ARAP2: variants seen among roughly 807,000 people sequenced by gnomAD.
ARAP2 encodes arf-GAP with Rho-GAP domain, ANK repeat and PH domain-containing protein 2.
Under a neutral mutation model 194.5 loss-of-function variants are expected in ARAP2, and 148 were observed. The observed-to-expected ratio is 0.76, with a 90% CI of 0.67 to 0.87. ARAP2 has a LOEUF of 0.87. Among genes scored for constraint, ARAP2 ranks in the 40% least tolerant of loss-of-function variants. The pLI is 0.00. For synonymous variants in ARAP2, 695 were observed against 683.5 expected (o/e 1.02, Z -0.26); for missense variants, 2,128 against 1,989.7 (o/e 1.07, Z -1.32).
intron 1 of ARAP2, among the ~76,000 whole-genome samples, chr4:36,237,209 C>T (rs1752611689): frequency 6.6e-6 from 1 of 152,164 alleles, no homozygotes; most frequent in Admixed American, 6.5e-5. Flanking sequence ...TATAAGGCAA[C>T]AATATGAAGC....
chr4:36,198,126 G>A (rs1044660794), intron 6 of ARAP2, among the ~76,000 whole-genome samples: 1 of 152,200 alleles, frequency 6.6e-6, no homozygotes, highest in Non-Finnish European at 1.5e-5. Flanking sequence ...GCTTTATTGA[G>A]TGATAGAATA....
chr4:36,235,547 C>T (rs1305272267), intron 1 of ARAP2, among the ~76,000 whole-genome samples: 1 of 152,228 alleles, frequency 6.6e-6, no homozygotes, highest in Non-Finnish European at 1.5e-5. Context: ...CATCCCTTAT[C>T]CTTGCTTTAT....
chr4:36,164,968 C>T lies in ARAP2; in HGVS notation c.2119G>A (p.Asp707Asn). The T allele has an allele frequency of 9.9e-6, 16 of 1,614,110 alleles. No homozygotes were observed. The highest frequency in any genetic ancestry group is 1.3e-5 in the Non-Finnish European group (15 of 1,179,942). The change falls in exon 11 of 33, where the codon GAT becomes AAT. Residue 707 changes from aspartate to asparagine, a missense_variant. Coordinates refer to ENST00000303965, the MANE Select transcript of ARAP2 (RefSeq NM_015230.4). ...AGATTGATGGATGCCCAGTCAGGAT[C>T]TGGGGCTTTACAATCTGCACAGCTC... The part of the protein sequence containing the change: ...NRSCADCKAP[D>N]PDWASINLCV...
At chr4:36,193,480 G>A (rs1174529748) in intron 7 of ARAP2, 98 bp downstream of exon 7, 1 of 616,692 alleles carries the variant, frequency 1.6e-6, no homozygotes, top group East Asian at 3.0e-5. Context: ...TTTTCATGTT[G>A]AGAATCTACC....
At chr4:36,169,237 C>A (rs531529090) in intron 9 of ARAP2, among the ~76,000 whole-genome samples, 3 of 152,292 alleles carry the variant, frequency 2.0e-5, no homozygotes, top group South Asian at 2.1e-4. Context: ...AGGCATTTGA[C>A]AAAAGCTGTG....
intron 19 of ARAP2, among the ~76,000 whole-genome samples, chr4:36,145,859 G>T (rs1729517130): frequency 6.6e-6 from 1 of 151,766 alleles, no homozygotes; most frequent in Non-Finnish European, 1.5e-5. Context: ...AACCCGTCCA[G>T]TTCCTTGGCA....
chr4:36,115,784 A>G (rs990187947), intron 25 of ARAP2, among the ~76,000 whole-genome samples: 4 of 152,018 alleles, frequency 2.6e-5, no homozygotes, highest in Admixed American at 6.6e-5. Flanking sequence ...TTGCAGAATC[A>G]TAAGCATTAA....
chr4:36,049,716 T>C (rs1229105063), intron 3 of ARAP2, among the ~76,000 whole-genome samples: 1 of 152,128 alleles, frequency 6.6e-6, no homozygotes, highest in East Asian at 1.9e-4. Flanking sequence ...AAGAGTTAAA[T>C]AATGTTAAAG....
intron 15 of ARAP2, among the ~76,000 whole-genome samples, chr4:36,154,816 A>T (rs1403145188): frequency 6.6e-6 from 1 of 152,230 alleles, no homozygotes; most frequent in Non-Finnish European, 1.5e-5. Context: ...GAGTGGTAGC[A>T]TCCAGGTGCT....
At chr4:36,108,318 T>A (rs1275499169) in intron 26 of ARAP2, among the ~76,000 whole-genome samples, 2 of 152,142 alleles carry the variant, frequency 1.3e-5, no homozygotes, top group East Asian at 3.9e-4. Context: ...TAAATAATAA[T>A]CATAAATTAA....
In ARAP2 at chr4:36,092,024, T is replaced by A. The variant is rs114448657; in HGVS notation, c.4286-4A>T. On this transcript the variant is annotated splice_polypyrimidine_tract_variant and splice_region_variant and intron_variant, in intron 27 of 32. Transcript: ENST00000303965. ...ATGCTTCCCAGTGTACTCCGGTCTG[T>A]AAAGTACAGCATTACTTTTGTGAGT... The A allele has an allele frequency of 5.2e-6, 8 of 1,545,038 alleles. No individual in the cohort carries two copies. The highest frequency in any genetic ancestry group is 6.2e-6 in the Non-Finnish European group (7 of 1,133,656).
rs866474323 is a variant in ARAP2, at chr4:36,121,008, T to C, written c.3894+171A>G. On this transcript the variant is annotated intron_variant, in intron 23 of 32. Coordinates refer to ENST00000303965, the MANE Select transcript of ARAP2 (RefSeq NM_015230.4). ...TGCAACCAAATTTAAATAATGACTA[T>C]AGCTTAAAAGCTACTTATATCTATA... Among the ~76,000 whole-genome samples the C allele has an allele frequency of 5.3e-5, 8 of 151,862 alleles. No individual in the cohort carries two copies. The Middle Eastern group carries it at 0.01, about 194-fold the overall frequency.
intron 1 of ARAP2, among the ~76,000 whole-genome samples, chr4:36,241,039 A>G (rs977563139): frequency 1.3e-5 from 2 of 152,204 alleles, no homozygotes; most frequent in African/African-American, 4.8e-5. Flanking sequence ...TTAATTCACT[A>G]AGATTTGAGA....
At chr4:36,087,496 C>T (rs983106722) in intron 28 of ARAP2, among the ~76,000 whole-genome samples, 33 of 151,934 alleles carry the variant, frequency 2.2e-4, no homozygotes, top group Non-Finnish European at 3.7e-4. Context: ...CACTGCCTAC[C>T]AGGTTATATA....
intron 21 of ARAP2, among the ~76,000 whole-genome samples, chr4:36,126,045 A>C (rs1723810038): frequency 1.3e-5 from 2 of 152,116 alleles, no homozygotes; most frequent in East Asian, 3.9e-4. Context: ...TCAAAATTGC[A>C]AGTGATATCT....
At chr4:36,199,209 T>TA (rs1205067234) in intron 6 of ARAP2, among the ~76,000 whole-genome samples, 3 of 152,234 alleles carry the variant, frequency 2.0e-5, no homozygotes, top group Non-Finnish European at 4.4e-5. Flanking sequence ...ACCTTGTTAT[T>TA]AAAAAATGAA....
chr4:36,126,634 A>G (rs1197079155), intron 21 of ARAP2, among the ~76,000 whole-genome samples: 4 of 152,000 alleles, frequency 2.6e-5, no homozygotes, highest in African/African-American at 9.7e-5. Flanking sequence ...CAGCTAAACT[A>G]TACTGTTGGC....
At chr4:36,168,552 C>T (rs938212321) in intron 9 of ARAP2, among the ~76,000 whole-genome samples, 2 of 152,160 alleles carry the variant, frequency 1.3e-5, no homozygotes, top group African/African-American at 4.8e-5. Context: ...AATTCTATAA[C>T]AAATGCCCCC....
At chr4:36,121,961 T>C (rs927012854) in intron 22 of ARAP2, among the ~76,000 whole-genome samples, 1 of 151,724 alleles carries the variant, frequency 6.6e-6, no homozygotes, top group East Asian at 1.9e-4. Context: ...AGGAGTCAAC[T>C]CTTTCAATCA....
Sources: gnomAD v4.1 joint callset for allele counts (sites outside exome capture counted in the v4.1 genomes callset) on GRCh38, gnomAD v4.1.1 for gene constraint, MANE v1.5 for transcripts, NCBI Gene and HGNC (gene_info 2026-07-23, HGNC 2026-07-21) for gene names.